EYS: variants seen among roughly 807,000 people sequenced by gnomAD.
EYS encodes the protein protein eyes shut homolog.
EYS carries 250 observed loss-of-function variants against 282.1 expected under a neutral mutation model. The ratio of observed to expected loss-of-function variants is 0.89; its 90% CI spans 0.80 to 0.98. The LOEUF (loss-of-function observed/expected upper bound fraction) is 0.98. Ranked by LOEUF, EYS falls within the 50% of genes least tolerant of loss-of-function variation. The pLI is 0.00. For missense variants in EYS, 4,016 were observed against 3,709.0 expected (o/e 1.08, Z -2.15); for synonymous variants, 1,355 against 1,282.9 (o/e 1.06, Z -1.20).
intron 33 of EYS, among the ~76,000 whole-genome samples, chr6:64,064,809 A>G (rs1771308301): frequency 6.6e-6 from 1 of 152,194 alleles, no homozygotes. Flanking sequence ...ATTGTATAAA[A>G]TGATGTTCTT....
intron 13 of EYS, among the ~76,000 whole-genome samples, chr6:65,011,661 G>A (rs2150133518): frequency 6.6e-6 from 1 of 152,290 alleles, no homozygotes; most frequent in South Asian, 2.1e-4. Flanking sequence ...GAACTAGCTG[G>A]ATTTCCTAGG....
chr6:64,298,579 ATAAAC>A (rs1252704935), intron 30 of EYS, among the ~76,000 whole-genome samples: 1 of 152,092 alleles, frequency 6.6e-6, no homozygotes, highest in African/African-American at 2.4e-5. Flanking sequence ...ACTATAAAAG[ATAAAC>A]TAAACACAAA....
chr6:63,968,398 G>A (rs936242025), intron 35 of EYS, among the ~76,000 whole-genome samples: 1 of 152,098 alleles, frequency 6.6e-6, no homozygotes, highest in Non-Finnish European at 1.5e-5. Context: ...ATCACAGCTG[G>A]ATTTGCAAGA....
At chr6:65,567,002 G>A (rs1322405759) in intron 2 of EYS, among the ~76,000 whole-genome samples, 2 of 152,068 alleles carry the variant, frequency 1.3e-5, no homozygotes, top group Admixed American at 6.6e-5. Flanking sequence ...CCCAGTTCAA[G>A]TGTTGGTAGA....
intron 13 of EYS, among the ~76,000 whole-genome samples, chr6:65,004,614 A>T (rs544000834): frequency 1.4e-5 from 2 of 147,758 alleles, no homozygotes; most frequent in African/African-American, 4.9e-5. Flanking sequence ...TTCTCACAAG[A>T]ATCACTAGCT....
intron 29 of EYS, among the ~76,000 whole-genome samples, chr6:64,353,058 T>C (rs984086386): frequency 4.0e-4 from 60 of 151,508 alleles, no homozygotes; most frequent in African/African-American, 1.5e-3. Flanking sequence ...GTTACCAGTA[T>C]AGGGAAGAGA....
In EYS at chr6:65,402,245, C is replaced by T. The variant is rs149015848; in HGVS notation, c.1184+233G>A. Among the ~76,000 whole-genome samples, 628 of 151,046 alleles carry T rather than the reference C, an allele frequency of 4.2e-3. 5 individuals carry two copies. The highest frequency in any genetic ancestry group is 0.014 in the African/African-American group (594 of 41,230). On this transcript the variant is annotated intron_variant, in intron 7 of 42. Coordinates refer to ENST00000503581, the MANE Select transcript of EYS (RefSeq NM_001142800.2). ...ATTAAACAAAGTATTTTTTAATAAC[C>T]GTATACCTAAATTATGCTTGAGAAT...
At chr6:65,168,956 C>A (rs1036247791) in intron 12 of EYS, among the ~76,000 whole-genome samples, 1 of 151,230 alleles carries the variant, frequency 6.6e-6, no homozygotes, top group African/African-American at 2.4e-5. Flanking sequence ...AAATTACAAC[C>A]ATTTTACCTT....
At chr6:65,377,809 G>A (rs1366036158) in intron 8 of EYS, among the ~76,000 whole-genome samples, 1 of 151,968 alleles carries the variant, frequency 6.6e-6, no homozygotes, top group Non-Finnish European at 1.5e-5. Flanking sequence ...TAAATTCCTG[G>A]ACATATACAT....
intron 22 of EYS, among the ~76,000 whole-genome samples, chr6:64,724,257 T>C (rs1206266027): frequency 6.6e-6 from 1 of 152,150 alleles, no homozygotes; most frequent in Non-Finnish European, 1.5e-5. Flanking sequence ...TGTTGTGTTA[T>C]ATTTCTTTTG....
rs1024353587 is a variant in EYS at position 63,824,705 on chromosome 6, C to A, written c.7229-18333G>T. ...CCTGGAGCCAAGTCAAGTTAGAGAG[C>A]CGAGCCAAGTGAAATACAGGGGTAG... On this transcript the variant is annotated intron_variant, in intron 36 of 42. Transcript: ENST00000503581. 1.2e-4 allele frequency among the ~76,000 whole-genome samples: 18 copies of A among 152,230 alleles called. No individual in the cohort carries two copies. In the East Asian group the frequency reaches 3.5e-3, roughly 29 times the overall value.
At chr6:65,137,104 A>G (rs890823270) in intron 12 of EYS, among the ~76,000 whole-genome samples, 2 of 152,132 alleles carry the variant, frequency 1.3e-5, no homozygotes, top group Non-Finnish European at 2.9e-5. Flanking sequence ...CTAACCTTAT[A>G]GAAGAGTCCA....
intron 22 of EYS, among the ~76,000 whole-genome samples, chr6:64,748,834 A>G (rs1196240020): frequency 6.6e-6 from 1 of 152,174 alleles, no homozygotes; most frequent in Non-Finnish European, 1.5e-5. Context: ...GTGCAGTGGC[A>G]TGATCTCGGC....
intron 12 of EYS, among the ~76,000 whole-genome samples, chr6:65,212,523 T>C (rs967136040): frequency 1.3e-5 from 2 of 152,156 alleles, no homozygotes; most frequent in African/African-American, 4.8e-5. Context: ...TATTTAAACA[T>C]AAATTTTAAT....
intron 41 of EYS, among the ~76,000 whole-genome samples, chr6:63,750,853 T>C: frequency 6.6e-6 from 1 of 152,206 alleles, no homozygotes; most frequent in East Asian, 1.9e-4. Flanking sequence ...CCACATATTA[T>C]TGTTAATTTG....
intron 31 of EYS, among the ~76,000 whole-genome samples, chr6:64,096,937 A>T (rs1433768382): frequency 6.6e-6 from 1 of 152,194 alleles, no homozygotes; most frequent in South Asian, 2.1e-4. Flanking sequence ...TTTGGTGTGG[A>T]TGTCCTTTCT....
At chr6:64,820,363 CTATT>C (rs1562208808) in intron 21 of EYS, among the ~76,000 whole-genome samples, 1 of 151,936 alleles carries the variant, frequency 6.6e-6, no homozygotes, top group Non-Finnish European at 1.5e-5. Context: ...TCAAAAATGT[CTATT>C]TACTGATATT....
intron 12 of EYS, among the ~76,000 whole-genome samples, chr6:65,124,083 C>A (rs541946902): frequency 2.7e-4 from 41 of 152,012 alleles, no homozygotes; most frequent in African/African-American, 7.5e-4. Context: ...CTGAGGTAGG[C>A]GGATCCCTTG....
intron 31 of EYS, among the ~76,000 whole-genome samples, chr6:64,125,930 T>TA (rs1388675655): frequency 1.3e-5 from 2 of 150,070 alleles, no homozygotes; most frequent in African/African-American, 5.0e-5. Flanking sequence ...TTTTTTTTTT[T>TA]ATTATACTTT....
Sources: gnomAD v4.1 joint callset for allele counts (sites outside exome capture counted in the v4.1 genomes callset) on GRCh38, gnomAD v4.1.1 for gene constraint, MANE v1.5 for transcripts, NCBI Gene and HGNC (gene_info 2026-07-23, HGNC 2026-07-21) for gene names.